EPHB2: variants seen among roughly 807,000 people sequenced by gnomAD.
EPHB2 encodes ephrin type-B receptor 2.
A neutral mutation model predicts 96.4 loss-of-function variants in EPHB2; 18 were observed. The ratio of observed to expected loss-of-function variants is 0.19; its 90% CI spans 0.13 to 0.28. The LOEUF is 0.28. Ranked by LOEUF, EPHB2 falls within the 10% of genes least tolerant of loss-of-function variation. The pLI is 1.00. For synonymous variants in EPHB2, 506 were observed against 534.1 expected (o/e 0.95, Z 0.72); for missense variants, 989 against 1,355.4 (o/e 0.73, Z 4.25).
chr1:22,816,961 C>T (rs944822650), intron 3 of EPHB2, among the ~76,000 whole-genome samples: 2 of 152,212 alleles, frequency 1.3e-5, no homozygotes, highest in African/African-American at 4.8e-5. Context: ...CCCTGACCCA[C>T]TTGCAGAGCT....
chr1:22,892,878 C>G lies in EPHB2; in HGVS notation c.1429-6C>G. 1 of 1,614,172 alleles carries G rather than the reference C, an allele frequency of 6.2e-7. No individual in the cohort carries two copies. The highest frequency in any genetic ancestry group is 2.2e-5 in the East Asian group (1 of 44,876). ...CTCACTAATTTTCTTCTCTGTTCCT[C>G]GGCAGGAGCTCAGTGAGTACAACGC... On this transcript the variant is annotated splice_polypyrimidine_tract_variant and splice_region_variant and intron_variant, in intron 6 of 15. Transcript: ENST00000374630.
intron 3 of EPHB2, among the ~76,000 whole-genome samples, chr1:22,856,893 A>G (rs1213622746): frequency 6.6e-6 from 1 of 152,192 alleles, no homozygotes; most frequent in Non-Finnish European, 1.5e-5. Flanking sequence ...CTTTGTGTAT[A>G]TCAATCCATT....
chr1:22,910,857 G>T (rs1207463799), intron 14 of EPHB2, among the ~76,000 whole-genome samples: 2 of 152,232 alleles, frequency 1.3e-5, no homozygotes, highest in East Asian at 3.8e-4. Context: ...CCAAAGGAAG[G>T]CCGGGAGAGA....
chr1:22,751,657 T>C (rs6700554), intron 1 of EPHB2, among the ~76,000 whole-genome samples: 9,165 of 152,226 alleles, frequency 0.06, 917 homozygotes, highest in African/African-American at 0.21. Context: ...GTATACCCAC[T>C]ATGTGGCTTT....
At chr1:22,834,873 C>T (rs10917316) in intron 3 of EPHB2, among the ~76,000 whole-genome samples, 2,164 of 151,428 alleles carry the variant, frequency 0.014, 22 homozygotes, top group African/African-American at 0.026. Flanking sequence ...TGCAGTGAGC[C>T]GAGATCACAC....
chr1:22,861,462 A>ACC (rs34104306), intron 3 of EPHB2, among the ~76,000 whole-genome samples: 2,873 of 152,144 alleles, frequency 0.019, 71 homozygotes, highest in African/African-American at 0.062. Context: ...ACATAGTGAG[A>ACC]CCCCCCATCT....
At chr1:22,748,421 G>A (rs1365459121) in intron 1 of EPHB2, among the ~76,000 whole-genome samples, 9 of 148,350 alleles carry the variant, frequency 6.1e-5, no homozygotes, top group Admixed American at 3.4e-4. Context: ...TTGCTCTGTC[G>A]CCCAGGCTGG....
chr1:22,757,429 G>A (rs1192141957), intron 1 of EPHB2, among the ~76,000 whole-genome samples: 1 of 152,220 alleles, frequency 6.6e-6, no homozygotes, highest in Admixed American at 6.5e-5. Context: ...CATTGTAGAA[G>A]AGAAGCTAAG....
At position 22,784,453 on chromosome 1, in the gene EPHB2, A is replaced by G. The variant is rs759912375; in HGVS notation, c.188A>G (p.Asn63Ser). ...MNTIRTYQVC[N>S]VFESSQNNWL... ...ACGATCCGCACGTACCAGGTGTGCA[A>G]CGTGTTTGAGTCAAGCCAGAACAAC... The change falls in exon 3 of 16, where the codon AAC (asparagine) becomes AGC (serine). Residue 63 changes from asparagine (N) to serine (S), a missense_variant. Coordinates refer to ENST00000374630, the MANE Select transcript of EPHB2 (RefSeq NM_017449.5). This position sits in a 1 kb window ranked among gnomAD's most constrained non-coding sequence, Gnocchi z 5.1. 3.1e-6 allele frequency: 5 copies of G among 1,614,164 alleles called. No homozygotes were observed. Among genetic ancestry groups the G allele is most frequent in the African/African-American group, 1.3e-5 (1 of 75,058 alleles).
intron 5 of EPHB2, among the ~76,000 whole-genome samples, chr1:22,878,102 C>G (rs937009585): frequency 6.6e-6 from 1 of 152,176 alleles, no homozygotes; most frequent in Non-Finnish European, 1.5e-5. Flanking sequence ...GTGATGTGAA[C>G]AGAGCAGCTC....
rs913637532 is a variant in EPHB2 at position 22,915,328 on chromosome 1, T to C, written c.*1758T>C. ...GGAAATAAACGCTTTAGTTATAATA[T>C]GACCCCTGTTCTCTGTAAGTTCCAA... On this transcript the variant is annotated 3_prime_UTR_variant, in exon 16 of 16. Transcript: ENST00000374630. 6.6e-6 allele frequency: 1 copy of C among 152,178 alleles called. No individual in the cohort carries two copies. The highest frequency in any genetic ancestry group is 1.5e-5 in the Non-Finnish European group (1 of 68,040). 9.4% of individuals were successfully genotyped at this position (152,178 alleles called of 1,614,324 possible).
Position 22,789,482 on chromosome 1 carries a change from A to C in EPHB2, c.811+4406A>C, listed in dbSNP as rs144434386. ...TGGGCTAAACTGATTCAATCTGACC[A>C]ACTTCTCTGGTGCCTACTGTGTACA... On this transcript the variant is annotated intron_variant, in intron 3 of 15. Coordinates refer to ENST00000374630, the MANE Select transcript of EPHB2 (RefSeq NM_017449.5). Among the ~76,000 whole-genome samples, 26 of 152,296 alleles carry C rather than the reference A, an allele frequency of 1.7e-4. No homozygotes were observed. In the East Asian group the frequency reaches 4.2e-3, roughly 25 times the overall value.
In EPHB2 at chr1:22,882,117, C is replaced by CT. The variant is rs1332110241; in HGVS notation, c.1304-241dup. ...TGATGTGGCCTGAGCTTCCCCAGGG[C>CT]TGGTGAAGTCGTCAGTGTCTGACCT... On this transcript the variant is annotated intron_variant, in intron 5 of 15. Coordinates refer to ENST00000374630, the MANE Select transcript of EPHB2 (RefSeq NM_017449.5). Among the ~76,000 whole-genome samples, 3 of 152,304 alleles carry CT rather than the reference C, an allele frequency of 2.0e-5. No individual in the cohort carries two copies. In the East Asian group the frequency reaches 5.8e-4, roughly 29 times the overall value.
intron 1 of EPHB2, chr1:22,774,765 G>A (rs990766752): frequency 2.1e-5 from 6 of 290,128 alleles, no homozygotes; most frequent in African/African-American, 1.1e-4. Context: ...CCCAGCTGCT[G>A]TGTGGAGGTT....
intron 1 of EPHB2, among the ~76,000 whole-genome samples, chr1:22,732,459 G>A (rs1643739342): frequency 6.6e-6 from 1 of 152,194 alleles, no homozygotes; most frequent in Non-Finnish European, 1.5e-5. Context: ...ATATAATTAA[G>A]AGTATTTTTA....
chr1:22,721,173 A>G (rs1163073440), intron 1 of EPHB2, among the ~76,000 whole-genome samples: 2 of 152,194 alleles, frequency 1.3e-5, no homozygotes, highest in Non-Finnish European at 2.9e-5. Context: ...TGGGCCAGTT[A>G]TTGTCAAATT....
chr1:22,892,511 G>T (rs1382709102), intron 6 of EPHB2, among the ~76,000 whole-genome samples: 1 of 152,124 alleles, frequency 6.6e-6, no homozygotes, highest in African/African-American at 2.4e-5. Flanking sequence ...TGTTTCTCAT[G>T]CTGGAGCCAG....
chr1:22,792,191 T>G, intron 3 of EPHB2, among the ~76,000 whole-genome samples: 1 of 148,778 alleles, frequency 6.7e-6, no homozygotes, highest in African/African-American at 2.5e-5. Context: ...TCTGGGGGAG[T>G]CTGCGGGGGT....
intron 3 of EPHB2, among the ~76,000 whole-genome samples, chr1:22,789,060 A>G (rs1332596753): frequency 6.6e-6 from 1 of 152,182 alleles, no homozygotes; most frequent in African/African-American, 2.4e-5. Flanking sequence ...AGCTGGAATC[A>G]GCATTTTTAA....
Sources: gnomAD v4.1 joint callset for allele counts (sites outside exome capture counted in the v4.1 genomes callset) on GRCh38, gnomAD v4.1.1 for gene constraint, Gnocchi (gnomAD v3.1) non-coding constraint, MANE v1.5 for transcripts, NCBI Gene and HGNC (gene_info 2026-07-23, HGNC 2026-07-21) for gene names.